The following PFKFB1 variants were observed in gnomAD, a reference collection of about 807,000 sequenced individuals.
The protein encoded by PFKFB1 is 6-phosphofructo-2-kinase/fructose-2,6-biphosphatase 1.
In PFKFB1, 34 loss-of-function variants were observed where a neutral mutation model predicts 46.4. The ratio of observed to expected loss-of-function variants is 0.73; its 90% CI spans 0.56 to 0.98. The LOEUF (loss-of-function observed/expected upper bound fraction) is 0.98, where lower values mean the gene tolerates loss of function less well. Ranked by LOEUF, PFKFB1 falls within the 50% of genes least tolerant of loss-of-function variation. PFKFB1 has a pLI of 0.00. For synonymous variants in PFKFB1, 119 were observed against 133.8 expected (o/e 0.89, Z 0.76); for missense variants, 393 against 376.3 (o/e 1.04, Z -0.37).
Position 54,991,539 on chromosome X carries a change from CTG to C in PFKFB1, c.97+2370_97+2371del, listed in dbSNP as rs59214352. Reference sequence around the variant, plus strand: ...TCTCTCTCTCTCCCTCTCTCTCTCTCTGTGTGTGTGTGTGTGTGTGTGTGTGT... The same window carrying C: ...TCTCTCTCTCTCCCTCTCTCTCTCTCTGTGTGTGTGTGTGTGTGTGTGTGT... On this transcript the variant is annotated intron_variant, in intron 1 of 13. Transcript: ENST00000375006. Among the ~76,000 whole-genome samples the C allele has an allele frequency of 5.6e-3, 343 of 61,658 alleles. 1 individual carries two copies. In the East Asian group the frequency reaches 0.062, roughly 11 times the overall value. The allele number at this position is 61,658 out of a possible 115,157, so 53.5% of individuals were successfully genotyped here. A position where few individuals can be genotyped will look rare whatever the true frequency, so the allele number is the denominator to read the frequency against.
At chrX:54,937,334 G>A (rs1191328313) in intron 11 of PFKFB1, among the ~76,000 whole-genome samples, 1 of 111,868 alleles carries the variant, frequency 8.9e-6, no homozygotes, top group African/African-American at 3.2e-5. Context: ...AATGTGTCAT[G>A]AACTGTTCTA....
intron 10 of PFKFB1, among the ~76,000 whole-genome samples, chrX:54,941,085 C>T (rs1411497407): frequency 9.0e-6 from 1 of 111,716 alleles, no homozygotes; most frequent in African/African-American, 3.3e-5. Flanking sequence ...AGAAATAATG[C>T]TGCATATCTA....
intron 1 of PFKFB1, among the ~76,000 whole-genome samples, chrX:54,986,824 A>G (rs1935124506): frequency 8.9e-6 from 1 of 111,944 alleles, no homozygotes; most frequent in Non-Finnish European, 1.9e-5. Context: ...TGGAAATCAT[A>G]TAAAGTATGT....
chrX:54,981,752 C>T (rs1934997987), intron 1 of PFKFB1, among the ~76,000 whole-genome samples: 1 of 111,646 alleles, frequency 9.0e-6, no homozygotes. Context: ...CAAGGAACTT[C>T]TAGTTTCAGT....
intron 7 of PFKFB1, among the ~76,000 whole-genome samples, chrX:54,955,651 G>T (rs1201870247): frequency 1.8e-5 from 2 of 111,468 alleles, no homozygotes; most frequent in Non-Finnish European, 3.8e-5. Flanking sequence ...GACATGACTA[G>T]GAGACAGAAC....
chrX:54,985,707 T>G (rs1400116646), intron 1 of PFKFB1, among the ~76,000 whole-genome samples: 1 of 110,240 alleles, frequency 9.1e-6, no homozygotes, highest in Non-Finnish European at 1.9e-5. Context: ...AATGATGTAT[T>G]ATTTAGTTTT....
chrX:54,971,222 AGATTCTG>A (rs1376273246), intron 1 of PFKFB1, among the ~76,000 whole-genome samples: 1 of 68,357 alleles, frequency 1.5e-5, no homozygotes. Context: ...AGTTCATTGT[AGATTCTG>A]GATATTAGCC....
chrX:54,938,812 T>C (rs1933502238), intron 10 of PFKFB1, among the ~76,000 whole-genome samples: 2 of 111,446 alleles, frequency 1.8e-5, no homozygotes, highest in South Asian at 3.8e-4. Flanking sequence ...ACACCCACTG[T>C]CAACATTAGA....
At chrX:54,956,336 A>T (rs1472311815) in intron 6 of PFKFB1, 62 bp from the exon 7 acceptor site, 1 of 1,177,619 alleles carries the variant, frequency 8.5e-7, no homozygotes, top group African/African-American at 1.8e-5. Flanking sequence ...TTTTCTTTGG[A>T]AGTTCCCTTA....
intron 6 of PFKFB1, among the ~76,000 whole-genome samples, chrX:54,957,805 T>C (rs1934197216): frequency 9.0e-6 from 1 of 110,903 alleles, no homozygotes; most frequent in Non-Finnish European, 1.9e-5. Context: ...TTTGATGAAG[T>C]AGGGAACAAC....
intron 1 of PFKFB1, among the ~76,000 whole-genome samples, chrX:54,972,907 G>A (rs1045332412): frequency 1.8e-5 from 2 of 111,569 alleles, no homozygotes; most frequent in African/African-American, 3.3e-5. Context: ...AGTTTCAGAC[G>A]GAATGGTACC....
Position 54,933,903 on chromosome X carries a change from C to A in PFKFB1, c.1292-18G>T. The A allele has an allele frequency of 1.7e-6, 2 of 1,189,773 alleles. No individual in the cohort carries two copies. Among genetic ancestry groups the A allele is most frequent in the Non-Finnish European group, 2.3e-6 (2 of 876,062 alleles). On this transcript the variant is annotated intron_variant, in intron 12 of 13. Coordinates refer to ENST00000375006, the MANE Select transcript of PFKFB1 (RefSeq NM_002625.4). ...TTTGCAGCCTTAGAAAAGAACAATC[C>A]ATCTGTCCATAGGCCCCCAAGGTAG... is the stretch of plus-strand genomic sequence containing the variant.
At chrX:54,995,177 A>C (rs1192456193), upstream of PFKFB1, among the ~76,000 whole-genome samples, 1 of 111,288 alleles carries the variant, frequency 9.0e-6, no homozygotes, top group Non-Finnish European at 1.9e-5. Flanking sequence ...AACTCATAGA[A>C]CTGCACAGCT....
intron 8 of PFKFB1, among the ~76,000 whole-genome samples, chrX:54,949,970 C>T (rs1204467729): frequency 8.9e-6 from 1 of 111,921 alleles, no homozygotes; most frequent in African/African-American, 3.2e-5. Flanking sequence ...GTGTTCGTGG[C>T]CCTGTGCTGG....
Position 54,949,092 on chromosome X carries a change from G to A in PFKFB1, c.976C>T (p.Leu326=). 1 of 1,211,179 alleles carries A rather than the reference G, an allele frequency of 8.3e-7. No individual in the cohort carries two copies. Among genetic ancestry groups the A allele is most frequent in the African/African-American group, 1.7e-5 (1 of 57,779 alleles). The change falls in exon 9 of 14, where the codon CTG becomes TTG. Residue 326 remains leucine (L), a synonymous_variant. Transcript: ENST00000375006. ...CATCTCACCGCATCAATCTCATTCA[G>A]GGCCTTCCACTGCTCATAGGGGACA... The part of the protein sequence containing the change: ...LGVPYEQWKA[L]NEIDAGVCEE...
upstream of PFKFB1, among the ~76,000 whole-genome samples, chrX:54,995,076 C>T (rs993365635): frequency 4.5e-5 from 5 of 111,767 alleles, 1 homozygote; most frequent in South Asian, 7.6e-4. Flanking sequence ...TAGGACAAGT[C>T]CATAGGCCAG....
Position 54,935,021 on chromosome X carries a change from C to T in PFKFB1, c.1229-12G>A, listed in dbSNP as rs757731166. 8.4e-7 allele frequency: 1 copy of T among 1,185,928 alleles called. No individual in the cohort carries two copies. The highest frequency in any genetic ancestry group is 3.0e-5 in the East Asian group (1 of 33,418). ...ATATGGAAGCTCATCTAGAAAGGAA[C>T]AGGAAGCAGCCCTCAGAGGCAGGGT... On this transcript the variant is annotated splice_polypyrimidine_tract_variant and intron_variant, in intron 11 of 13. Transcript: ENST00000375006.
chrX:54,992,873 G>C (rs905757612), intron 1 of PFKFB1, among the ~76,000 whole-genome samples: 7 of 111,534 alleles, frequency 6.3e-5, no homozygotes, highest in African/African-American at 2.3e-4. Context: ...ATAAGAAAGA[G>C]AGAGAATAGG....
intron 4 of PFKFB1, 91 bp from the exon 5 acceptor site, chrX:54,959,016 C>T: frequency 1.8e-6 from 1 of 558,370 alleles, no homozygotes; most frequent in Non-Finnish European, 3.1e-6. Flanking sequence ...TGGAGGGCTT[C>T]CATATGGAGG....
Sources: gnomAD v4.1 joint callset for allele counts (sites outside exome capture counted in the v4.1 genomes callset) on GRCh38, gnomAD v4.1.1 for gene constraint, MANE v1.5 for transcripts, NCBI Gene and HGNC (gene_info 2026-07-23, HGNC 2026-07-21) for gene names.